Variants in ULK4 observed in about 807,000 individuals in gnomAD.
The protein encoded by ULK4 is unc-51 like kinase 4.
A neutral mutation model predicts 160.6 loss-of-function variants in ULK4; 133 were observed. The ratio of observed to expected loss-of-function variants is 0.83; its 90% CI spans 0.72 to 0.96. The LOEUF is 0.96. Ranked by LOEUF, ULK4 falls within the 40% of genes least tolerant of loss-of-function variation. The pLI is 0.00. For missense variants in ULK4, 1,580 were observed against 1,499.5 expected (o/e 1.05, Z -0.89); for synonymous variants, 534 against 539.8 (o/e 0.99, Z 0.15).
chr3:41,458,597 A>T (rs2083609513), intron 33 of ULK4, among the ~76,000 whole-genome samples: 1 of 152,142 alleles, frequency 6.6e-6, no homozygotes, highest in Admixed American at 6.6e-5. Context: ...GCTTCTTAGT[A>T]TTAAAAAAAA....
At chr3:41,506,767 A>AAAAAAAAAAAAATATAAAAAAAATAT in intron 32 of ULK4, among the ~76,000 whole-genome samples, 1 of 56,766 alleles carries the variant, frequency 1.8e-5, no homozygotes, top group African/African-American at 8.2e-5. Flanking sequence ...TGTGATTTAA[A>AAAAAAAAAAAAATATAAAAAAAATAT]ATATATATAT....
At chr3:41,853,984 A>G (rs1419491743) in intron 17 of ULK4, 1 of 152,142 alleles carries the variant, frequency 6.6e-6, no homozygotes, top group Non-Finnish European at 1.5e-5. Flanking sequence ...TAGCCAACTC[A>G]TTTGGCATAA....
intron 22 of ULK4, among the ~76,000 whole-genome samples, chr3:41,735,819 C>A (rs2125872418): frequency 6.7e-6 from 1 of 149,990 alleles, no homozygotes; most frequent in South Asian, 2.2e-4. Flanking sequence ...TTAGGTATAT[C>A]CCCTAATGCT....
At chr3:41,825,160 C>G (rs981955282) in intron 18 of ULK4, among the ~76,000 whole-genome samples, 3 of 152,086 alleles carry the variant, frequency 2.0e-5, no homozygotes, top group Non-Finnish European at 4.4e-5. Flanking sequence ...AAAACCCCAT[C>G]TGTACATCAC....
chr3:41,949,030 G>A (rs1700199188), intron 2 of ULK4, among the ~76,000 whole-genome samples: 1 of 152,158 alleles, frequency 6.6e-6, no homozygotes, highest in Non-Finnish European at 1.5e-5. Flanking sequence ...CCTAAGGCCA[G>A]GCGTGGTGGT....
chr3:41,702,588 T>C (rs1638985011), intron 27 of ULK4, among the ~76,000 whole-genome samples: 1 of 152,074 alleles, frequency 6.6e-6, no homozygotes. Flanking sequence ...TATGTTAGAA[T>C]GGGACAAAGG....
intron 34 of ULK4, among the ~76,000 whole-genome samples, chr3:41,434,834 A>G (rs975460435): frequency 8.5e-5 from 13 of 152,174 alleles, no homozygotes; most frequent in African/African-American, 3.1e-4. Context: ...AAAGTGTTTT[A>G]GTTTGAATTG....
intron 35 of ULK4, chr3:41,277,666 C>T (rs1248582420): frequency 6.6e-6 from 1 of 152,144 alleles, no homozygotes; most frequent in Non-Finnish European, 1.5e-5. Flanking sequence ...AAGATGAAAG[C>T]ATTTCCTCTG....
At position 41,938,134 on chromosome 3, in the gene ULK4, T is replaced by C. The variant is rs1194223919; in HGVS notation, c.202A>G (p.Ser68Gly). 5 of 1,613,550 alleles carry C rather than the reference T, an allele frequency of 3.1e-6. No homozygotes were observed. The East Asian group carries it at 8.9e-5, about 29-fold the overall frequency. ...TCCACCACTAGCCAGAGGTGGTTGC[T>C]TGTTTCATACCATTCATGAAAAGTT... is the stretch of plus-strand genomic sequence containing the variant. ...IVTFHEWYET[S>G]NHLWLVVELC... Residue 68 changes from serine to glycine, a missense_variant, in exon 3 of 37, where the codon AGC becomes GGC. Transcript: ENST00000301831.
At chr3:41,284,867 G>C (rs891676523) in intron 35 of ULK4, among the ~76,000 whole-genome samples, 2 of 151,938 alleles carry the variant, frequency 1.3e-5, no homozygotes, top group African/African-American at 4.8e-5. Context: ...CTAATATCCA[G>C]AATCTACAAC....
chr3:41,680,958 C>T (rs992878107), intron 29 of ULK4, among the ~76,000 whole-genome samples: 9 of 152,154 alleles, frequency 5.9e-5, no homozygotes, highest in Non-Finnish European at 1.0e-4. Context: ...TAGGTGCCCT[C>T]AGTAGTCATC....
intron 30 of ULK4, among the ~76,000 whole-genome samples, chr3:41,650,287 A>G (rs745351636): frequency 6.6e-6 from 1 of 152,154 alleles, no homozygotes; most frequent in Non-Finnish European, 1.5e-5. Flanking sequence ...CTATAACACA[A>G]ACAGGGCTGA....
At chr3:41,285,376 G>GGT (rs1391776236) in intron 35 of ULK4, among the ~76,000 whole-genome samples, 1 of 151,894 alleles carries the variant, frequency 6.6e-6, no homozygotes, top group African/African-American at 2.4e-5. Context: ...AAGAAACTGT[G>GGT]GTATATATAT....
intron 35 of ULK4, among the ~76,000 whole-genome samples, chr3:41,378,221 T>C (rs1310311955): frequency 3.3e-5 from 3 of 91,716 alleles, no homozygotes; most frequent in Non-Finnish European, 6.1e-5. Context: ...CGGGGGACTG[T>C]CGTGGGGTGG....
chr3:41,358,722 C>T (rs1198095657), intron 35 of ULK4, among the ~76,000 whole-genome samples: 4 of 152,100 alleles, frequency 2.6e-5, no homozygotes, highest in Non-Finnish European at 5.9e-5. Flanking sequence ...GTAGTGGAGA[C>T]TGACTGCAGG....
intron 35 of ULK4, among the ~76,000 whole-genome samples, chr3:41,285,923 G>A (rs1000216434): frequency 2.0e-5 from 3 of 152,162 alleles, no homozygotes; most frequent in Admixed American, 6.6e-5. Context: ...AAGCATCTCT[G>A]GGGTAGCATA....
intron 27 of ULK4, among the ~76,000 whole-genome samples, chr3:41,683,423 G>A (rs1559482988): frequency 6.6e-6 from 1 of 151,704 alleles, no homozygotes. Context: ...TCTCCTCTGT[G>A]GAGGGAGGCA....
At chr3:41,711,185 A>C (rs2125836671) in intron 25 of ULK4, among the ~76,000 whole-genome samples, 1 of 152,342 alleles carries the variant, frequency 6.6e-6, no homozygotes, top group African/African-American at 2.4e-5. Flanking sequence ...TGGTGAGCCA[A>C]GTGCTAAAGG....
chr3:41,671,796 G>C (rs577363436), intron 29 of ULK4, among the ~76,000 whole-genome samples: 1 of 152,010 alleles, frequency 6.6e-6, no homozygotes, highest in Non-Finnish European at 1.5e-5. Flanking sequence ...TGCTTACTGG[G>C]AGAAAATATT....
Sources: gnomAD v4.1 joint callset for allele counts (sites outside exome capture counted in the v4.1 genomes callset) on GRCh38, gnomAD v4.1.1 for gene constraint, MANE v1.5 for transcripts, NCBI Gene and HGNC (gene_info 2026-07-23, HGNC 2026-07-21) for gene names.